Variants in CCDC148 observed in about 807,000 individuals in gnomAD.
CCDC148 encodes the protein coiled-coil domain containing 148, also known as coiled-coil domain-containing protein 148.
In CCDC148, 89 loss-of-function variants were observed where a neutral mutation model predicts 85.7. The ratio of observed to expected loss-of-function variants is 1.04; its 90% CI spans 0.87 to 1.24. The LOEUF (loss-of-function observed/expected upper bound fraction) is 1.24. Ranked by LOEUF, CCDC148 falls within the 50% of genes most tolerant of loss-of-function variation. The pLI, the probability that CCDC148 is intolerant of heterozygous loss-of-function variation, is 0.00. For missense variants in CCDC148, 692 were observed against 671.7 expected (o/e 1.03, Z -0.33); for synonymous variants, 230 against 213.9 (o/e 1.08, Z -0.66).
intron 11 of CCDC148, among the ~76,000 whole-genome samples, chr2:158,212,552 G>T (rs915185120): frequency 3.3e-5 from 5 of 152,228 alleles, no homozygotes; most frequent in Admixed American, 2.6e-4. Flanking sequence ...CCAATTTAGT[G>T]TTAGAAAGGC....
At chr2:158,412,412 T>G (rs544548358) in intron 1 of CCDC148, among the ~76,000 whole-genome samples, 117 of 152,302 alleles carry the variant, frequency 7.7e-4, no homozygotes, top group African/African-American at 2.6e-3. Flanking sequence ...ATCACTCCCA[T>G]GAAGGTATTC....
At chr2:158,276,708 G>C (rs188891527) in intron 9 of CCDC148, among the ~76,000 whole-genome samples, 2 of 152,282 alleles carry the variant, frequency 1.3e-5, no homozygotes, top group Admixed American at 1.3e-4. Flanking sequence ...TATCACTGAT[G>C]AGGACTTTTC....
chr2:158,176,473 T>C, intron 13 of CCDC148, 48 bp downstream of exon 13: 1 of 1,592,214 alleles, frequency 6.3e-7, no homozygotes, highest in Middle Eastern at 1.7e-4. Flanking sequence ...CTACAGTCCT[T>C]ACCATCATCA....
chr2:158,386,090 C>T (rs903547821), intron 1 of CCDC148, among the ~76,000 whole-genome samples: 1 of 151,942 alleles, frequency 6.6e-6, no homozygotes, highest in Non-Finnish European at 1.5e-5. Flanking sequence ...ATGAAGCATC[C>T]TAGAGAACAA....
intron 10 of CCDC148, among the ~76,000 whole-genome samples, chr2:158,246,341 A>G (rs761441968): frequency 6.6e-6 from 1 of 152,202 alleles, no homozygotes; most frequent in Non-Finnish European, 1.5e-5. Flanking sequence ...AAAATAGTTA[A>G]AACAAAGATA....
intron 1 of CCDC148, among the ~76,000 whole-genome samples, chr2:158,372,785 T>C (rs1456992927): frequency 1.3e-5 from 2 of 152,042 alleles, no homozygotes; most frequent in Non-Finnish European, 2.9e-5. Context: ...ACCTACCAAA[T>C]GGTTTCTAAT....
At chr2:158,310,457 G>A (rs1411950126) in intron 8 of CCDC148, among the ~76,000 whole-genome samples, 1 of 152,078 alleles carries the variant, frequency 6.6e-6, no homozygotes, top group African/African-American at 2.4e-5. Flanking sequence ...CAGACAGGGT[G>A]GCGGCCGGGC....
intron 1 of CCDC148, among the ~76,000 whole-genome samples, chr2:158,440,973 G>A (rs371153295): frequency 2.6e-5 from 4 of 152,020 alleles, no homozygotes; most frequent in African/African-American, 4.8e-5. Context: ...CTTGACAGGC[G>A]TTCAAGGCTG....
intron 1 of CCDC148, among the ~76,000 whole-genome samples, chr2:158,402,113 T>C (rs766881185): frequency 3.2e-4 from 49 of 152,214 alleles, no homozygotes; most frequent in Middle Eastern, 6.8e-3. Context: ...TTTTACAAAG[T>C]ACTTTCATAG....
At chr2:158,240,517 C>G (rs1311311168) in intron 10 of CCDC148, among the ~76,000 whole-genome samples, 4 of 151,332 alleles carry the variant, frequency 2.6e-5, no homozygotes, top group African/African-American at 9.7e-5. Context: ...ATCAGCCTCT[C>G]TGTTACACAA....
chr2:158,345,616 A>T (rs1027364114), intron 2 of CCDC148, among the ~76,000 whole-genome samples: 7 of 152,326 alleles, frequency 4.6e-5, no homozygotes, highest in African/African-American at 1.7e-4. Context: ...TAATTCATAT[A>T]ACCCCAGAAA....
intron 1 of CCDC148, among the ~76,000 whole-genome samples, chr2:158,437,948 C>T (rs947316435): frequency 7.9e-5 from 12 of 152,150 alleles, no homozygotes; most frequent in African/African-American, 2.4e-4. Flanking sequence ...AGGAGAACTA[C>T]AAACCACTGC....
intron 11 of CCDC148, among the ~76,000 whole-genome samples, chr2:158,197,889 GCAATTAATTCTAATGAATTAAT>G (rs58320855): frequency 0.08 from 12,193 of 151,818 alleles, 1,582 homozygotes; most frequent in African/African-American, 0.27. Flanking sequence ...ACTGGTTAAT[GCAATTAATTCTAATGAATTAAT>G]CAATTAATTC....
At chr2:158,360,872 C>T (rs1405055175) in intron 1 of CCDC148, among the ~76,000 whole-genome samples, 3 of 151,802 alleles carry the variant, frequency 2.0e-5, no homozygotes, top group East Asian at 2.0e-4. Context: ...TAATAACAAA[C>T]TCCCCCAAGC....
At chr2:158,281,045 T>C (rs116466468) in intron 9 of CCDC148, among the ~76,000 whole-genome samples, 26,955 of 151,994 alleles carry the variant, frequency 0.18, 3,091 homozygotes, top group Middle Eastern at 0.26. Context: ...CATAACGAAA[T>C]GGAGTCAGAA....
At chr2:158,362,882 G>A (rs1684024154) in intron 1 of CCDC148, among the ~76,000 whole-genome samples, 1 of 152,128 alleles carries the variant, frequency 6.6e-6, no homozygotes, top group African/African-American at 2.4e-5. Context: ...AAATCCAGGA[G>A]CTGATTTTTT....
chr2:158,453,291 G>A (rs1005729982), intron 1 of CCDC148, among the ~76,000 whole-genome samples: 2 of 152,286 alleles, frequency 1.3e-5, no homozygotes, highest in Middle Eastern at 3.4e-3. Flanking sequence ...TCTCAAGAAG[G>A]GGGAAGGCCA....
rs769505460 is a variant in CCDC148, at chr2:158,239,508, T to C, written c.1251+11264A>G. On this transcript the variant is annotated intron_variant, in intron 10 of 13. Transcript: ENST00000283233. Reference sequence around the variant, plus strand: ...ACCACCACAACTTTTCTGTTACCTATTGACTCATATACTGTACCAAGAGTT... The same window carrying C: ...ACCACCACAACTTTTCTGTTACCTACTGACTCATATACTGTACCAAGAGTT... Among the ~76,000 whole-genome samples the C allele has an allele frequency of 4.9e-4, 74 of 152,278 alleles. 2 individuals are homozygous for C. Among genetic ancestry groups the C allele is most frequent in the Non-Finnish European group, 1.0e-3 (70 of 68,020 alleles).
chr2:158,222,375 T>C (rs149279691), intron 10 of CCDC148, among the ~76,000 whole-genome samples: 2 of 152,270 alleles, frequency 1.3e-5, no homozygotes, highest in African/African-American at 2.4e-5. Context: ...TGGAGCTTTT[T>C]GCAATCTCAA....
Sources: allele counts gnomAD v4.1 joint callset (sites outside exome capture counted in the v4.1 genomes callset), GRCh38; gene constraint gnomAD v4.1.1; transcripts MANE v1.5; gene names NCBI Gene and HGNC (gene_info 2026-07-23, HGNC 2026-07-21).